Variants in KIF27 observed in about 807,000 individuals in gnomAD.
KIF27 encodes the protein kinesin family member 27, also known as kinesin-like protein KIF27.
KIF27 carries 84 observed loss-of-function variants against 141.8 expected under a neutral mutation model. The ratio of observed to expected loss-of-function variants is 0.59; its 90% CI spans 0.50 to 0.71. The LOEUF (loss-of-function observed/expected upper bound fraction) is 0.71, where lower values mean the gene tolerates loss of function less well. Among genes scored for constraint, KIF27 ranks in the 30% least tolerant of loss-of-function variants. The pLI is 0.00. For missense variants in KIF27, 1,306 were observed against 1,628.4 expected, an observed-to-expected ratio of 0.80 and a Z score of 3.41; for synonymous variants, 471 against 569.5, an observed-to-expected ratio of 0.83 and a Z score of 2.46.
At position 83,903,137 on chromosome 9, in the gene KIF27, C is replaced by A. The variant is rs148142223; in HGVS notation, c.1381G>T (p.Gly461Ter). Residue 461 changes from glycine (G) to a stop codon, truncating the protein, a stop_gained, in exon 4 of 18, where the codon GGA becomes TGA. Transcript: ENST00000297814. LOFTEE classifies it high-confidence loss of function. ...CCTTCTTCCAGACTTGCAGTGCCTCCGATTCCTCGAAATGAGGTGAGGACA... is the reference window on the plus strand; with the variant it reads ...CCTTCTTCCAGACTTGCAGTGCCTCAGATTCCTCGAAATGAGGTGAGGACA... ...KAVLTSFRGI[G>*]GTASLEEGPQ... 1 of 1,614,130 alleles carries A rather than the reference C, an allele frequency of 6.2e-7. No homozygotes were observed. Among genetic ancestry groups the A allele is most frequent in the Admixed American group, 1.7e-5 (1 of 60,010 alleles).
rs185712290 is a variant in KIF27, at chr9:83,860,929, G to C, written c.2935-1558C>G. Among the ~76,000 whole-genome samples the C allele has an allele frequency of 3.3e-5, 5 of 149,948 alleles. No homozygotes were observed. The East Asian group carries it at 9.7e-4, about 29-fold the overall frequency. On this transcript the variant is annotated intron_variant, in intron 13 of 17. Transcript: ENST00000297814. ...AAATGCTTATTCTAGCTTCACATTT[G>C]ATTGTTTGGCTAAGAAGAAAATTAT...
intron 13 of KIF27, among the ~76,000 whole-genome samples, chr9:83,860,583 A>T (rs374185067): frequency 6.6e-6 from 1 of 152,174 alleles, no homozygotes; most frequent in Admixed American, 6.5e-5. Context: ...ACAACTTTTT[A>T]TTGCACCTTA....
At position 83,842,365 on chromosome 9, in the gene KIF27, G is replaced by T. The variant is rs554621908; in HGVS notation, c.3593C>A (p.Thr1198Lys). The T allele has an allele frequency of 6.5e-7, 1 of 1,528,344 alleles. No individual in the cohort carries two copies. The highest frequency in any genetic ancestry group is 2.4e-5 in the East Asian group (1 of 42,492). The allele number at this position is 1,528,344 out of a possible 1,614,324, so 94.7% of individuals were successfully genotyped here. Residue 1198 changes from threonine to lysine, a missense_variant, in exon 17 of 18, where the codon ACA becomes AAA. Transcript: ENST00000297814. The stretch of plus-strand genomic sequence containing the variant: ...CAACTGCTGGATTTTATCTTCATAT[G>T]TTTTGAAAGTTTCCATAATGCCTTC... ...DGEGIMETFK[T>K]YEDKIQQLEK...
Position 83,891,301 on chromosome 9 carries a change from G to A in KIF27, c.1803C>T (p.Ser601=), listed in dbSNP as rs1332245121. The part of the protein sequence containing the change: ...HYIYIPSRQD[S]RKVHTSPPMY... ...AAGATTGTTTGGACTTTACCTTCCT[G>A]GAATCTTGTCTTGATGGGATATAAA... The change falls in exon 6 of 18, where the codon TCC becomes TCT. Residue 601 remains serine (S), a synonymous_variant. Coordinates refer to ENST00000297814, the MANE Select transcript of KIF27 (RefSeq NM_017576.4). 3 of 1,609,932 alleles carry A rather than the reference G, an allele frequency of 1.9e-6. No homozygotes were observed. The Admixed American group carries it at 5.0e-5, about 27-fold the overall frequency.
At chr9:83,895,661 G>A (rs1270566323) in intron 5 of KIF27, among the ~76,000 whole-genome samples, 1 of 151,642 alleles carries the variant, frequency 6.6e-6, no homozygotes, top group Non-Finnish European at 1.5e-5. Flanking sequence ...AGATACAGAA[G>A]GTGAAAGGAT....
intron 11 of KIF27, among the ~76,000 whole-genome samples, chr9:83,879,688 C>T (rs1951518114): frequency 6.6e-6 from 1 of 151,804 alleles, no homozygotes; most frequent in African/African-American, 2.4e-5. Context: ...TAAACAGACT[C>T]AGAGAGGGTA....
At chr9:83,904,825 G>A (rs778404955) in intron 3 of KIF27, among the ~76,000 whole-genome samples, 28 of 150,714 alleles carry the variant, frequency 1.9e-4, no homozygotes, top group Non-Finnish European at 2.2e-4. Flanking sequence ...TTTTGGTATC[G>A]TGAGGTCATA....
At chr9:83,917,421 A>G (rs1740060212) in intron 1 of KIF27, among the ~76,000 whole-genome samples, 1 of 152,212 alleles carries the variant, frequency 6.6e-6, no homozygotes, top group Admixed American at 6.5e-5. Context: ...TGCAATACCT[A>G]TCAAAATGTC....
At chr9:83,905,077 C>A (rs1954360297) in intron 3 of KIF27, among the ~76,000 whole-genome samples, 1 of 151,718 alleles carries the variant, frequency 6.6e-6, no homozygotes, top group Non-Finnish European at 1.5e-5. Context: ...TAAAAATAAC[C>A]TACATTTACT....
At chr9:83,857,669 C>T (rs529872731) in intron 14 of KIF27, among the ~76,000 whole-genome samples, 3 of 152,314 alleles carry the variant, frequency 2.0e-5, no homozygotes, top group South Asian at 2.1e-4. Context: ...TGTTAATTCT[C>T]ATCTCTGTGC....
intron 17 of KIF27, among the ~76,000 whole-genome samples, chr9:83,840,954 C>T (rs908773961): frequency 2.1e-4 from 32 of 152,292 alleles, no homozygotes; most frequent in Non-Finnish European, 4.0e-4. Context: ...CTTCTCTAAG[C>T]GTCAGTTGCC....
chr9:83,850,983 G>A (rs1257651455), intron 15 of KIF27, among the ~76,000 whole-genome samples: 8 of 149,612 alleles, frequency 5.3e-5, no homozygotes, highest in African/African-American at 1.2e-4. Flanking sequence ...GACTACAGGC[G>A]CCCGCCACCA....
intron 15 of KIF27, among the ~76,000 whole-genome samples, chr9:83,851,990 T>C (rs2131711273): frequency 6.6e-6 from 1 of 151,516 alleles, no homozygotes; most frequent in Non-Finnish European, 1.5e-5. Context: ...GAGCTGGGCA[T>C]GGCAGCACAC....
intron 9 of KIF27, among the ~76,000 whole-genome samples, chr9:83,885,313 G>A (rs1952003045): frequency 1.3e-5 from 2 of 151,988 alleles, no homozygotes; most frequent in African/African-American, 2.4e-5. Flanking sequence ...GGCTGGTCTC[G>A]AACTCCTGAC....
intron 17 of KIF27, among the ~76,000 whole-genome samples, chr9:83,840,797 AAAGT>A (rs1192243868): frequency 6.6e-6 from 1 of 152,230 alleles, no homozygotes; most frequent in African/African-American, 2.4e-5. Flanking sequence ...TGAGAATCAG[AAAGT>A]GTAATCTCTT....
At chr9:83,899,599 A>G (rs1206106253) in intron 5 of KIF27, 62 bp downstream of exon 5, 3 of 1,186,182 alleles carry the variant, frequency 2.5e-6, no homozygotes, top group Non-Finnish European at 3.6e-6. Flanking sequence ...TTAAAATGCT[A>G]CTGTGTTTAG....
At chr9:83,851,789 C>T (rs1314982090) in intron 15 of KIF27, among the ~76,000 whole-genome samples, 5 of 152,150 alleles carry the variant, frequency 3.3e-5, no homozygotes, top group Non-Finnish European at 7.4e-5. Context: ...ACAAGGGTTC[C>T]CAGGATCAGA....
chr9:83,912,443 G>A (rs542129641), intron 2 of KIF27, among the ~76,000 whole-genome samples: 9 of 152,264 alleles, frequency 5.9e-5, no homozygotes, highest in Admixed American at 4.6e-4. Flanking sequence ...CCTTTTAAGA[G>A]CTTATAGGAA....
chr9:83,906,166 A>G (rs1954503152), intron 3 of KIF27, among the ~76,000 whole-genome samples: 1 of 152,236 alleles, frequency 6.6e-6, no homozygotes, highest in Non-Finnish European at 1.5e-5. Context: ...ATCAGTATGA[A>G]TTCTATCCAG....
Sources: allele counts gnomAD v4.1 joint callset (sites outside exome capture counted in the v4.1 genomes callset), GRCh38; gene constraint gnomAD v4.1.1; transcripts MANE v1.5; gene names NCBI Gene and HGNC (gene_info 2026-07-23, HGNC 2026-07-21).